The following ANGPT1 variants were observed in gnomAD, a reference collection of about 807,000 sequenced individuals.
The protein encoded by ANGPT1 is angiopoietin-1.
In ANGPT1, 17 loss-of-function variants were observed where a neutral mutation model predicts 62.2. The observed-to-expected ratio is 0.27, with a 90% CI of 0.19 to 0.41. ANGPT1 has a LOEUF of 0.41. Ranked by LOEUF, ANGPT1 falls within the 10% of genes least tolerant of loss-of-function variation. ANGPT1 has a pLI of 1.00. For missense variants in ANGPT1, 478 were observed against 594.9 expected (o/e 0.80, Z 2.04); for synonymous variants, 199 against 198.9 (o/e 1.00, Z 0.00).
chr8:107,281,328 GAATTT>G (rs747096923), intron 7 of ANGPT1, among the ~76,000 whole-genome samples: 73 of 151,994 alleles, frequency 4.8e-4, no homozygotes, highest in South Asian at 1.5e-3. Context: ...AAACAATTCT[GAATTT>G]AATTTAATTT....
At position 107,348,301 on chromosome 8, in the gene ANGPT1, A is replaced by C. The variant is rs117378112; in HGVS notation, c.298-1204T>G. Among the ~76,000 whole-genome samples the C allele has an allele frequency of 5.7e-3, 868 of 152,324 alleles. 6 individuals are homozygous for C. The highest frequency in any genetic ancestry group is 9.0e-3 in the Non-Finnish European group (612 of 68,032). On this transcript the variant is annotated intron_variant, in intron 1 of 8. Transcript: ENST00000517746. ...CCACTATTTCATAATCCATAGTAAA[A>C]TTATTATCATGTAATAAATATAGTC...
chr8:107,301,452 ATG>A (rs201116704), intron 5 of ANGPT1, among the ~76,000 whole-genome samples: 2 of 150,760 alleles, frequency 1.3e-5, no homozygotes, highest in Non-Finnish European at 3.0e-5. Context: ...TGTGTTTATG[ATG>A]TGTGTGTGTG....
At chr8:107,446,939 G>A (rs531082272) in intron 1 of ANGPT1, among the ~76,000 whole-genome samples, 9 of 152,052 alleles carry the variant, frequency 5.9e-5, no homozygotes, top group Non-Finnish European at 1.3e-4. Flanking sequence ...TTCCACTCAG[G>A]CCTCTGTATA....
At chr8:107,442,943 T>C (rs1811519707) in intron 1 of ANGPT1, among the ~76,000 whole-genome samples, 2 of 152,190 alleles carry the variant, frequency 1.3e-5, no homozygotes, top group Non-Finnish European at 2.9e-5. Context: ...AGTCTCCTAA[T>C]AGCAGAGACA....
chr8:107,329,527 CAA>C (rs1182219350), intron 3 of ANGPT1, among the ~76,000 whole-genome samples: 1 of 152,032 alleles, frequency 6.6e-6, no homozygotes, highest in African/African-American at 2.4e-5. Flanking sequence ...GGGCTTTTGA[CAA>C]TGCAGAATAG....
chr8:107,444,817 G>A (rs926290512), intron 1 of ANGPT1, among the ~76,000 whole-genome samples: 1 of 152,100 alleles, frequency 6.6e-6, no homozygotes, highest in Non-Finnish European at 1.5e-5. Context: ...TTTTTCATGG[G>A]AGATAAATTG....
At chr8:107,361,521 ATGT>A in intron 1 of ANGPT1, among the ~76,000 whole-genome samples, 3 of 27,872 alleles carry the variant, frequency 1.1e-4, no homozygotes, top group Non-Finnish European at 2.6e-4. Flanking sequence ...TATAGAATAT[ATGT>A]ATATATTATA....
chr8:107,259,359 G>A (rs891875939), intron 8 of ANGPT1, among the ~76,000 whole-genome samples: 7 of 152,072 alleles, frequency 4.6e-5, no homozygotes, highest in Admixed American at 4.6e-4. Flanking sequence ...TATATAGTAG[G>A]CAAAGTGAGC....
At chr8:107,356,294 C>G (rs60876963) in intron 1 of ANGPT1, among the ~76,000 whole-genome samples, 7,763 of 152,218 alleles carry the variant, frequency 0.051, 644 homozygotes, top group African/African-American at 0.18. Flanking sequence ...GAAAACTAAC[C>G]ATGTCTTAAT....
intron 1 of ANGPT1, among the ~76,000 whole-genome samples, chr8:107,356,343 A>C (rs1816044367): frequency 6.6e-6 from 1 of 152,224 alleles, no homozygotes; most frequent in African/African-American, 2.4e-5. Flanking sequence ...GTAAAACTTA[A>C]TGCTGTTCAT....
chr8:107,344,544 T>C (rs1815762921), intron 2 of ANGPT1, among the ~76,000 whole-genome samples: 1 of 152,228 alleles, frequency 6.6e-6, no homozygotes, highest in African/African-American at 2.4e-5. Flanking sequence ...TAAAATGCCA[T>C]TGGCATGAAC....
At chr8:107,417,067 G>A (rs1810770754) in intron 1 of ANGPT1, among the ~76,000 whole-genome samples, 1 of 152,080 alleles carries the variant, frequency 6.6e-6, no homozygotes, top group Non-Finnish European at 1.5e-5. Context: ...AGGATTACAG[G>A]TATGAGCCAC....
At chr8:107,259,179 T>C (rs1813436684) in intron 8 of ANGPT1, among the ~76,000 whole-genome samples, 2 of 152,312 alleles carry the variant, frequency 1.3e-5, no homozygotes, top group South Asian at 4.1e-4. Context: ...TCTCAATATT[T>C]TTACCTTGAA....
chr8:107,340,000 C>G (rs1815660196), intron 2 of ANGPT1, among the ~76,000 whole-genome samples: 1 of 152,146 alleles, frequency 6.6e-6, no homozygotes, highest in African/African-American at 2.4e-5. Flanking sequence ...TCACCTTGAC[C>G]CCATTGCTGC....
intron 1 of ANGPT1, among the ~76,000 whole-genome samples, chr8:107,472,012 C>T (rs1333515473): frequency 6.6e-6 from 1 of 152,006 alleles, no homozygotes; most frequent in East Asian, 1.9e-4. Context: ...TCTCTTTAGG[C>T]TCCTCTTGCT....
chr8:107,418,475 G>A (rs1215067879), intron 1 of ANGPT1, among the ~76,000 whole-genome samples: 8 of 152,130 alleles, frequency 5.3e-5, no homozygotes, highest in Non-Finnish European at 1.2e-4. Flanking sequence ...TGTATCGGCT[G>A]GGAATAAAAC....
chr8:107,439,262 T>C (rs73699706), intron 1 of ANGPT1, among the ~76,000 whole-genome samples: 46 of 152,268 alleles, frequency 3.0e-4, no homozygotes, highest in African/African-American at 1.1e-3. Flanking sequence ...GGCTTCAGAG[T>C]CAGACCTGGG....
rs1366572762 is a variant in ANGPT1, at chr8:107,370,179, GAAAGAAAGAAAGAAAA to G, written c.298-23098_298-23083del. ...GAGAAAGAAAGAAAGAGAGAAAGAAGAAAGAAAGAAAGAAAAAAAGAAAGAAAGAAAGAAAGAAAGG... is the reference window on the plus strand; with the variant it reads ...GAGAAAGAAAGAAAGAGAGAAAGAAGAAAGAAAGAAAGAAAGAAAGAAAGG... On this transcript the variant is annotated intron_variant, in intron 1 of 8. Coordinates refer to ENST00000517746, the MANE Select transcript of ANGPT1 (RefSeq NM_001146.5). Among the ~76,000 whole-genome samples the G allele has an allele frequency of 4.5e-3, 392 of 86,758 alleles. 7 individuals carry two copies. Among genetic ancestry groups the G allele is most frequent in the African/African-American group, 0.016 (336 of 21,442 alleles). The allele number at this position is 86,758 out of a possible 152,430, so 56.9% of individuals were successfully genotyped here.
At chr8:107,475,645 G>C (rs993332026) in intron 1 of ANGPT1, among the ~76,000 whole-genome samples, 8 of 152,112 alleles carry the variant, frequency 5.3e-5, no homozygotes, top group African/African-American at 1.9e-4. Context: ...AGAGTGAACA[G>C]GCAACCTACA....
Sources: gnomAD v4.1 joint callset for allele counts (sites outside exome capture counted in the v4.1 genomes callset) on GRCh38, gnomAD v4.1.1 for gene constraint, MANE v1.5 for transcripts, NCBI Gene and HGNC (gene_info 2026-07-23, HGNC 2026-07-21) for gene names.